Variants in ERICH3 observed in about 807,000 individuals in gnomAD.
ERICH3 encodes glutamate-rich protein 3.
A neutral mutation model predicts 131.1 loss-of-function variants in ERICH3; 126 were observed. The ratio of observed to expected loss-of-function variants is 0.96; its 90% CI spans 0.83 to 1.11. The LOEUF is 1.11. ERICH3 is among the 50% of genes most tolerant of loss of function. The pLI, the probability that ERICH3 is intolerant of heterozygous loss-of-function variation, is 0.00. For synonymous variants in ERICH3, 695 were observed against 644.6 expected (o/e 1.08, Z -1.18); for missense variants, 2,050 against 1,810.7 (o/e 1.13, Z -2.40).
intron 13 of ERICH3, among the ~76,000 whole-genome samples, chr1:74,574,017 G>T (rs1265188993): frequency 1.6e-4 from 24 of 147,684 alleles, no homozygotes; most frequent in Non-Finnish European, 3.3e-4. Flanking sequence ...TTCAGGCAGG[G>T]TCTCGCTGTG....
At position 74,599,231 on chromosome 1, in the gene ERICH3, G is replaced by A. The variant is rs150754362; in HGVS notation, c.1726+464C>T. 8.8e-3 allele frequency among the ~76,000 whole-genome samples: 1,345 copies of A among 151,994 alleles called. 19 individuals carry two copies. Among genetic ancestry groups the A allele is most frequent in the African/African-American group, 0.031 (1,266 of 41,482 alleles). On this transcript the variant is annotated intron_variant, in intron 11 of 14. Transcript: ENST00000326665. ...ATAGGATATGGCTATAGTCGTAAAT[G>A]TCCTTTTTAAGATTCCTTTACATTC...
At chr1:74,615,961 C>T (rs1372766091) in intron 8 of ERICH3, among the ~76,000 whole-genome samples, 1 of 151,976 alleles carries the variant, frequency 6.6e-6, no homozygotes, top group Non-Finnish European at 1.5e-5. Context: ...GTTCTATGGG[C>T]CTGTGACTGT....
At chr1:74,673,097 T>G (rs1646756420) in intron 1 of ERICH3, among the ~76,000 whole-genome samples, 1 of 152,202 alleles carries the variant, frequency 6.6e-6, no homozygotes, top group African/African-American at 2.4e-5. Context: ...AAGGTGAGAA[T>G]GCATCTCTCA....
intron 1 of ERICH3, among the ~76,000 whole-genome samples, chr1:74,660,972 C>T (rs1227049013): frequency 1.3e-5 from 2 of 150,116 alleles, no homozygotes; most frequent in South Asian, 2.1e-4. Context: ...TCCCACAGAG[C>T]GAGGTATTAT....
At chr1:74,622,275 C>A (rs1649249228) in intron 7 of ERICH3, 1 of 152,158 alleles carries the variant, frequency 6.6e-6, no homozygotes, top group African/African-American at 2.4e-5. Context: ...AAAATTCAAG[C>A]AAATTTTCTT....
chr1:74,571,611 C>T lies in ERICH3; in HGVS notation c.4099G>A (p.Glu1367Lys), dbSNP rs371417037. The part of the protein sequence containing the change: ...REVLAGSETA[E>K]EKTIANKASS... ...GCTTTATTTGCTATTGTTTTCTCCTCGGCTGTCTCCGAACCTGCCAACACC... is the reference window on the plus strand; with the variant it reads ...GCTTTATTTGCTATTGTTTTCTCCTTGGCTGTCTCCGAACCTGCCAACACC... Residue 1367 changes from glutamate to lysine, a missense_variant, in exon 14 of 15, where the codon GAG becomes AAG. Coordinates refer to ENST00000326665, the MANE Select transcript of ERICH3 (RefSeq NM_001002912.5). The T allele has an allele frequency of 1.9e-6, 3 of 1,614,180 alleles. No homozygotes were observed. Among genetic ancestry groups the T allele is most frequent in the Non-Finnish European group, 2.5e-6 (3 of 1,180,028 alleles).
intron 7 of ERICH3, chr1:74,622,253 G>T (rs1451564770): frequency 1.3e-5 from 2 of 152,184 alleles, no homozygotes; most frequent in Non-Finnish European, 2.9e-5. Context: ...GAGGGAGAAA[G>T]TCCAAGATTT....
chr1:74,601,759 T>C (rs1385008442), intron 10 of ERICH3, among the ~76,000 whole-genome samples: 1 of 151,772 alleles, frequency 6.6e-6, no homozygotes, highest in African/African-American at 2.4e-5. Context: ...TACATAGTAG[T>C]GAAATGTCAA....
intron 1 of ERICH3, among the ~76,000 whole-genome samples, chr1:74,668,591 A>C (rs1019997095): frequency 2.6e-5 from 4 of 152,234 alleles, no homozygotes; most frequent in African/African-American, 4.8e-5. Context: ...GAAGGAATTC[A>C]AAGAATTAAA....
At chr1:74,583,140 A>C (rs1647208366) in intron 12 of ERICH3, among the ~76,000 whole-genome samples, 1 of 152,142 alleles carries the variant, frequency 6.6e-6, no homozygotes, top group South Asian at 2.1e-4. Context: ...TGAAGAGGAA[A>C]ATATGCAGAG....
intron 8 of ERICH3, among the ~76,000 whole-genome samples, chr1:74,613,734 T>C (rs1308075726): frequency 3.9e-5 from 6 of 152,194 alleles, no homozygotes; most frequent in African/African-American, 1.4e-4. Flanking sequence ...GTCTTTATAA[T>C]GTTATTTGCA....
chr1:74,613,243 A>T (rs1648788712), intron 8 of ERICH3, among the ~76,000 whole-genome samples: 1 of 152,234 alleles, frequency 6.6e-6, no homozygotes, highest in Admixed American at 6.5e-5. Flanking sequence ...TTTGATTTGT[A>T]ATAAAATAAT....
chr1:74,601,748 T>C (rs1013383378), intron 10 of ERICH3, among the ~76,000 whole-genome samples: 1 of 151,864 alleles, frequency 6.6e-6, no homozygotes, highest in Non-Finnish European at 1.5e-5. Context: ...ATCCATAGTG[T>C]TACATAGTAG....
chr1:74,634,984 C>A (rs1229770210), intron 6 of ERICH3: 3 of 315,170 alleles, frequency 9.5e-6, no homozygotes, highest in Non-Finnish European at 1.7e-5. Context: ...GGATAATGCA[C>A]TTCTTCTATA....
intron 1 of ERICH3, among the ~76,000 whole-genome samples, chr1:74,662,719 A>G (rs900537972): frequency 2.6e-5 from 4 of 152,162 alleles, no homozygotes; most frequent in African/African-American, 4.8e-5. Context: ...GTTTTATAGC[A>G]TGCTTGCCTG....
rs1557654911 is a variant in ERICH3, at chr1:74,571,945, C to T, written c.3765G>A (p.Glu1255=). Residue 1255 remains glutamate, a synonymous_variant, in exon 14 of 15, where the codon GAG becomes GAA. Transcript: ENST00000326665. ...CTCCTCCTTGCCCTTCAGCTCTCCC[C>T]TCCAGTCCTGCGCAGGAGTCGTGAT... ...AKDHDSCAGL[E]GRAEGQGGVD... 4 of 1,613,678 alleles carry T rather than the reference C, an allele frequency of 2.5e-6. No individual in the cohort carries two copies. The highest frequency in any genetic ancestry group is 1.7e-5 in the Admixed American group (1 of 60,032).
intron 1 of ERICH3, among the ~76,000 whole-genome samples, chr1:74,669,987 C>A (rs1357455340): frequency 6.6e-6 from 1 of 152,098 alleles, no homozygotes; most frequent in Non-Finnish European, 1.5e-5. Context: ...TTTAATGAAA[C>A]CTTTTATTTG....
intron 12 of ERICH3, among the ~76,000 whole-genome samples, chr1:74,584,425 C>T (rs763139672): frequency 2.0e-5 from 3 of 152,152 alleles, no homozygotes; most frequent in Non-Finnish European, 2.9e-5. Flanking sequence ...TACTTGTTTA[C>T]TAGACTCTGT....
upstream of ERICH3, chr1:74,673,888 G>T (rs541853943): frequency 3.2e-3 from 788 of 243,254 alleles, 4 homozygotes; most frequent in Non-Finnish European, 3.8e-3. Context: ...CTGCTCTGTT[G>T]CTCTAGGGCG....
Sources: gnomAD v4.1 joint callset for allele counts (sites outside exome capture counted in the v4.1 genomes callset) on GRCh38, gnomAD v4.1.1 for gene constraint, MANE v1.5 for transcripts, NCBI Gene and HGNC (gene_info 2026-07-23, HGNC 2026-07-21) for gene names.